Variants in DLGAP1 observed in about 807,000 individuals in gnomAD.
DLGAP1 encodes DLG associated protein 1, also known as disks large-associated protein 1.
Under a neutral mutation model 90.8 loss-of-function variants are expected in DLGAP1, and 11 were observed. The ratio of observed to expected loss-of-function variants is 0.12; its 90% confidence interval spans 0.08 to 0.20. The LOEUF is 0.20. DLGAP1 is among the 10% of genes least tolerant of loss of function. The pLI, the probability that DLGAP1 is intolerant of heterozygous loss-of-function variation, is 1.00. For missense variants in DLGAP1, 1,050 were observed against 1,333.8 expected, an observed-to-expected ratio of 0.79 and a Z score of 3.31; for synonymous variants, 558 against 540.7, an observed-to-expected ratio of 1.03 and a Z score of -0.44.
chr18:4,382,164 T>C (rs1244349698), intron 1 of DLGAP1, among the ~76,000 whole-genome samples: 1 of 152,150 alleles, frequency 6.6e-6, no homozygotes, highest in Non-Finnish European at 1.5e-5. Context: ...CTTATATTTA[T>C]CTAATTGTTC....
intron 7 of DLGAP1, among the ~76,000 whole-genome samples, chr18:3,637,187 A>G (rs1016503757): frequency 4.6e-5 from 7 of 152,174 alleles, no homozygotes; most frequent in African/African-American, 1.7e-4. Context: ...TTTGCAGTGT[A>G]TGTTTATGGA....
At chr18:4,136,136 G>A (rs1403417536) in intron 2 of DLGAP1, among the ~76,000 whole-genome samples, 4 of 151,608 alleles carry the variant, frequency 2.6e-5, no homozygotes, top group Non-Finnish European at 5.9e-5. Context: ...TTCTTTATCC[G>A]TTTGTCTGTT....
intron 10 of DLGAP1, among the ~76,000 whole-genome samples, chr18:3,530,336 C>T (rs555210029): frequency 1.3e-5 from 2 of 152,044 alleles, no homozygotes; most frequent in South Asian, 2.1e-4. Context: ...GGGCCCAGGA[C>T]GTCCAGGCTA....
chr18:4,144,202 G>C (rs997650258), intron 2 of DLGAP1, among the ~76,000 whole-genome samples: 8 of 152,210 alleles, frequency 5.3e-5, no homozygotes, highest in African/African-American at 1.9e-4. Context: ...AGTCCTTGTG[G>C]CCTAGACTAG....
At chr18:3,791,600 A>G (rs552502287) in intron 5 of DLGAP1, among the ~76,000 whole-genome samples, 1 of 152,340 alleles carries the variant, frequency 6.6e-6, no homozygotes, top group Non-Finnish European at 1.5e-5. Context: ...AGACAAAAAC[A>G]CAATATTTAC....
rs113897934 is a variant in DLGAP1 at position 3,937,207 on chromosome 18, A to C, written c.-72-57067T>G. ...TCCTGCTTGCATAACATGATAACAAACGTGTATTAGTCTGTTCTCAGGCTG... is the reference window on the plus strand; with the variant it reads ...TCCTGCTTGCATAACATGATAACAACCGTGTATTAGTCTGTTCTCAGGCTG... On this transcript the variant is annotated intron_variant, in intron 3 of 12. Coordinates refer to ENST00000315677, the MANE Select transcript of DLGAP1 (RefSeq NM_004746.4). Among the ~76,000 whole-genome samples, 194 of 152,266 alleles carry C rather than the reference A, an allele frequency of 1.3e-3. 1 individual carries two copies. Among genetic ancestry groups the C allele is most frequent in the African/African-American group, 4.6e-3 (190 of 41,562 alleles).
chr18:3,958,622 C>CAAAAA (rs11342881), intron 3 of DLGAP1, among the ~76,000 whole-genome samples: 1 of 123,568 alleles, frequency 8.1e-6, no homozygotes, highest in African/African-American at 3.0e-5. Context: ...ATCCTCTTTA[C>CAAAAA]AAAAAAAAAA....
At chr18:3,530,227 G>A (rs1301014479) in intron 10 of DLGAP1, among the ~76,000 whole-genome samples, 2 of 152,120 alleles carry the variant, frequency 1.3e-5, no homozygotes, top group East Asian at 3.9e-4. Flanking sequence ...GCAACACAGT[G>A]AGAATCTATC....
At chr18:3,938,825 G>A (rs1232185906) in intron 3 of DLGAP1, among the ~76,000 whole-genome samples, 2 of 152,156 alleles carry the variant, frequency 1.3e-5, no homozygotes, top group Admixed American at 1.3e-4. Flanking sequence ...CATGCTGGCT[G>A]CTGGGTGGGA....
chr18:3,862,637 T>C (rs73940239), intron 4 of DLGAP1, among the ~76,000 whole-genome samples: 7,388 of 152,062 alleles, frequency 0.049, 645 homozygotes, highest in African/African-American at 0.17. Flanking sequence ...AGGTCATGAG[T>C]GACTAATAAA....
chr18:3,681,395 A>T (rs1598331094), intron 7 of DLGAP1, among the ~76,000 whole-genome samples: 2 of 152,368 alleles, frequency 1.3e-5, no homozygotes, highest in Non-Finnish European at 2.9e-5. Flanking sequence ...TGCTAATAAA[A>T]GTGTAAGGCA....
intron 1 of DLGAP1, among the ~76,000 whole-genome samples, chr18:4,228,817 C>T (rs2078243935): frequency 6.6e-6 from 1 of 151,662 alleles, no homozygotes. Flanking sequence ...TTTTATTCAA[C>T]ATAATACTGG....
rs1460066997 is a variant in DLGAP1, at chr18:4,383,347, G to T, written c.-267+71659C>A. ...TATGTACTTAAACTCAAAATATTTA[G>T]TACATTAATGGGATTTTCATGGTTT... On this transcript the variant is annotated intron_variant, in intron 1 of 12. Transcript: ENST00000315677. The surrounding 1 kb of genome is among the most constrained non-coding windows in gnomAD (Gnocchi z 4.0). 6.6e-6 allele frequency among the ~76,000 whole-genome samples: 1 copy of T among 152,046 alleles called. No homozygotes were observed. Among genetic ancestry groups the T allele is most frequent in the Non-Finnish European group, 1.5e-5 (1 of 68,004 alleles).
At chr18:4,056,751 T>A (rs1014162769) in intron 2 of DLGAP1, among the ~76,000 whole-genome samples, 1 of 152,092 alleles carries the variant, frequency 6.6e-6, no homozygotes, top group African/African-American at 2.4e-5. Context: ...AAAAAATACC[T>A]GGGGGACTGA....
At chr18:4,149,589 C>A (rs1398403486) in intron 2 of DLGAP1, among the ~76,000 whole-genome samples, 1 of 152,220 alleles carries the variant, frequency 6.6e-6, no homozygotes, top group African/African-American at 2.4e-5. Flanking sequence ...AGGAACTGGG[C>A]TGCACAGCAG....
chr18:3,938,905 G>A (rs927142788), intron 3 of DLGAP1, among the ~76,000 whole-genome samples: 1 of 152,148 alleles, frequency 6.6e-6, no homozygotes, highest in Non-Finnish European at 1.5e-5. Context: ...GGAGGTGATT[G>A]GGCTTGAACT....
chr18:4,204,061 C>T (rs1355127918), intron 1 of DLGAP1, among the ~76,000 whole-genome samples: 1 of 152,164 alleles, frequency 6.6e-6, no homozygotes, highest in Non-Finnish European at 1.5e-5. Context: ...TGGTTGACTA[C>T]AAAACTCTTC....
rs146297311 is a variant in DLGAP1, at chr18:4,190,410, T to C, written c.-266-39123A>G. Among the ~76,000 whole-genome samples, 1,240 of 152,206 alleles carry C rather than the reference T, an allele frequency of 8.1e-3. 20 individuals carry two copies. Among genetic ancestry groups the C allele is most frequent in the African/African-American group, 0.029 (1,191 of 41,558 alleles). ...TGAAGTACAAGAAAACTTTAGAGCA[T>C]TGAAACTTTGAAACTATTCTGTATG... On this transcript the variant is annotated intron_variant, in intron 1 of 12. Coordinates refer to ENST00000315677, the MANE Select transcript of DLGAP1 (RefSeq NM_004746.4).
At chr18:4,065,091 C>T (rs906030809) in intron 2 of DLGAP1, among the ~76,000 whole-genome samples, 2 of 152,028 alleles carry the variant, frequency 1.3e-5, no homozygotes, top group Admixed American at 1.3e-4. Flanking sequence ...ATGATTATCT[C>T]AATAGATGCA....
Sources: gnomAD v4.1 joint callset for allele counts (sites outside exome capture counted in the v4.1 genomes callset) on GRCh38, gnomAD v4.1.1 for gene constraint, Gnocchi (gnomAD v3.1) non-coding constraint, MANE v1.5 for transcripts, NCBI Gene and HGNC (gene_info 2026-07-23, HGNC 2026-07-21) for gene names.